TIMP3: variants seen among roughly 807,000 people sequenced by gnomAD.
The protein encoded by TIMP3 is metalloproteinase inhibitor 3.
Under a neutral mutation model 30.0 loss-of-function variants are expected in TIMP3, and 11 were observed. The observed-to-expected ratio is 0.37, with a 90% CI of 0.23 to 0.61. The LOEUF is 0.61. TIMP3 is among the 20% of genes least tolerant of loss of function. The probability of loss-of-function intolerance (pLI) is 0.70; values close to 1 mark genes in which losing one functional copy is unlikely to be tolerated. For synonymous variants in TIMP3, 112 were observed against 111.3 expected (o/e 1.01, Z -0.04); for missense variants, 181 against 276.8 (o/e 0.65, Z 2.45).
intron 1 of TIMP3, 152 bp from the exon 2 acceptor site, chr22:32,849,300 C>T: frequency 1.5e-6 from 1 of 679,710 alleles, no homozygotes; most frequent in Non-Finnish European, 2.6e-6. Flanking sequence ...AGGGAATTCC[C>T]ACTCTTGTAA....
Position 32,861,317 on chromosome 22 carries a change from C to A in TIMP3, c.*1940C>A, listed in dbSNP as rs925148097. ...TTGGGATCAATTTCATTACCGTGTA[C>A]CTTTCCCATTGTGGTCATGCCATTT... On this transcript the variant is annotated 3_prime_UTR_variant, in exon 5 of 5. Coordinates refer to ENST00000266085, the MANE Select transcript of TIMP3 (RefSeq NM_000362.5). The A allele has an allele frequency of 1.3e-5, 2 of 152,254 alleles. No individual in the cohort carries two copies. Among genetic ancestry groups the A allele is most frequent in the Admixed American group, 1.3e-4 (2 of 15,278 alleles). The allele number at this position is 152,254 out of a possible 1,614,324, so 9.4% of individuals were successfully genotyped here. A position where few individuals can be genotyped will look rare whatever the true frequency, so the allele number is the denominator to read the frequency against.
intron 1 of TIMP3, among the ~76,000 whole-genome samples, chr22:32,803,841 C>T (rs1215260483): frequency 1.3e-5 from 2 of 152,160 alleles, no homozygotes; most frequent in African/African-American, 2.4e-5. Flanking sequence ...ACTTCACTTG[C>T]GTTTTTTTGG....
chr22:32,826,855 A>G (rs1467236265), intron 1 of TIMP3, among the ~76,000 whole-genome samples: 1 of 152,128 alleles, frequency 6.6e-6, no homozygotes, highest in African/African-American at 2.4e-5. Flanking sequence ...CTGCTCTCCC[A>G]CTTGATCCCT....
Position 32,861,803 on chromosome 22 carries a change from A to G in TIMP3, c.*2426A>G, listed in dbSNP as rs150204117. 210 of 152,752 alleles carry G rather than the reference A, an allele frequency of 1.4e-3. No individual in the cohort carries two copies. Among genetic ancestry groups the G allele is most frequent in the African/African-American group, 4.7e-3 (195 of 41,582 alleles). The allele number at this position is 152,752 out of a possible 1,614,324, so 9.5% of individuals were successfully genotyped here. A position where few individuals can be genotyped will look rare whatever the true frequency, so the allele number is the denominator to read the frequency against. On this transcript the variant is annotated 3_prime_UTR_variant, in exon 5 of 5. Coordinates refer to ENST00000266085, the MANE Select transcript of TIMP3 (RefSeq NM_000362.5). ...TTTATTTCACCCGTTCACTTACTGT[A>G]TAATTTAAAATCATTTATGTAGCTG... is the stretch of plus-strand genomic sequence containing the variant.
chr22:32,832,835 C>T (rs1241400644), intron 1 of TIMP3, among the ~76,000 whole-genome samples: 2 of 151,974 alleles, frequency 1.3e-5, no homozygotes, highest in Non-Finnish European at 2.9e-5. Context: ...TCAAGTGATC[C>T]GTTTCCCTCA....
In TIMP3 at chr22:32,862,962, G is replaced by A. The variant is rs2048586909; in HGVS notation, c.*3585G>A. 2.6e-5 allele frequency: 4 copies of A among 152,652 alleles called. No individual in the cohort carries two copies. Among genetic ancestry groups the A allele is most frequent in the Non-Finnish European group, 2.9e-5 (2 of 68,040 alleles). The allele number at this position is 152,652 out of a possible 1,614,324, so 9.5% of individuals were successfully genotyped here. A position where few individuals can be genotyped will look rare whatever the true frequency, so the allele number is the denominator to read the frequency against. On this transcript the variant is annotated 3_prime_UTR_variant, in exon 5 of 5. Coordinates refer to ENST00000266085, the MANE Select transcript of TIMP3 (RefSeq NM_000362.5). ...ATTTTATATTCCGTGAATGTATATT[G>A]TCTTGTAATGTTGCATAATGTTCAC... is the stretch of plus-strand genomic sequence containing the variant.
At chr22:32,838,467 T>A (rs2047800091) in intron 1 of TIMP3, among the ~76,000 whole-genome samples, 1 of 152,096 alleles carries the variant, frequency 6.6e-6, no homozygotes, top group Admixed American at 6.5e-5. Flanking sequence ...CTGGGGCTAA[T>A]TTTGGTGTCA....
intron 1 of TIMP3, among the ~76,000 whole-genome samples, chr22:32,818,658 G>A (rs557674929): frequency 1.3e-5 from 2 of 152,164 alleles, no homozygotes; most frequent in African/African-American, 2.4e-5. Context: ...TCTCCCCTCC[G>A]GCGCTGGGCC....
intron 1 of TIMP3, among the ~76,000 whole-genome samples, chr22:32,835,914 G>A (rs367883160): frequency 2.6e-5 from 4 of 152,310 alleles, no homozygotes; most frequent in South Asian, 4.1e-4. Context: ...CCACCTCAAA[G>A]TTCTCACCAT....
In TIMP3 at chr22:32,825,657, C is replaced by CAAAA. The variant is rs130292; in HGVS notation, c.121+23572_121+23575dup. On this transcript the variant is annotated intron_variant, in intron 1 of 4. Transcript: ENST00000266085. ...TGGGCGACAGAGCGAGTTTCCATCTCAAAAAAAAAAAAAAAAAAAAAAAAA... is the reference window on the plus strand; with the variant it reads ...TGGGCGACAGAGCGAGTTTCCATCTCAAAAAAAAAAAAAAAAAAAAAAAAAAAAA... Among the ~76,000 whole-genome samples, 8 of 28,594 alleles carry CAAAA rather than the reference C, an allele frequency of 2.8e-4. 2 individuals carry two copies. The highest frequency in any genetic ancestry group is 1.4e-3 in the Admixed American group (2 of 1,430). The allele number at this position is 28,594 out of a possible 152,430, so 18.8% of individuals were successfully genotyped here.
chr22:32,849,680 C>A, intron 2 of TIMP3, 146 bp downstream of exon 2: 1 of 764,042 alleles, frequency 1.3e-6, no homozygotes, highest in Non-Finnish European at 2.3e-6. Context: ...GGAGAGGGAG[C>A]TGCTAAGGCT....
At chr22:32,848,910 C>A (rs2048142823) in intron 1 of TIMP3, among the ~76,000 whole-genome samples, 2 of 152,134 alleles carry the variant, frequency 1.3e-5, no homozygotes, top group Admixed American at 1.3e-4. Context: ...GCACTGGATA[C>A]CAAGGGCTCA....
rs543897159 is a variant in TIMP3, at chr22:32,821,823, G to A, written c.121+19701G>A. 7.2e-5 allele frequency among the ~76,000 whole-genome samples: 11 copies of A among 152,268 alleles called. No individual in the cohort carries two copies. In the East Asian group the frequency reaches 1.4e-3, roughly 19 times the overall value. On this transcript the variant is annotated intron_variant, in intron 1 of 4. Transcript: ENST00000266085. ...ACAAAGAGGGCCTCATGGTTCCCCC[G>A]TCACTCACTGCCTTCCACTCCCTGC...
rs923531954 is a variant in TIMP3, at chr22:32,845,402, G to C, written c.122-4050G>C. 1.4e-3 allele frequency among the ~76,000 whole-genome samples: 207 copies of C among 152,128 alleles called. 1 individual carries two copies. Among genetic ancestry groups the C allele is most frequent in the African/African-American group, 4.7e-3 (194 of 41,498 alleles). On this transcript the variant is annotated intron_variant, in intron 1 of 4. Coordinates refer to ENST00000266085, the MANE Select transcript of TIMP3 (RefSeq NM_000362.5). ...AGATGGGGTTTCACCATGCTGGCCA[G>C]GATGGTCTCAATCTCTTGACCTCGT...
chr22:32,821,953 C>T (rs902147641), intron 1 of TIMP3, among the ~76,000 whole-genome samples: 4 of 152,000 alleles, frequency 2.6e-5, no homozygotes, highest in African/African-American at 9.7e-5. Flanking sequence ...GTCGGGAGTT[C>T]GAGACCAGCC....
intron 1 of TIMP3, among the ~76,000 whole-genome samples, chr22:32,835,383 G>A (rs2146158701): frequency 6.6e-6 from 1 of 152,314 alleles, no homozygotes; most frequent in African/African-American, 2.4e-5. Context: ...GATGAGACAT[G>A]ATTCAAATGA....
At chr22:32,830,776 T>C (rs1435057001) in intron 1 of TIMP3, among the ~76,000 whole-genome samples, 1 of 152,032 alleles carries the variant, frequency 6.6e-6, no homozygotes, top group Non-Finnish European at 1.5e-5. Context: ...CGTGAGTGTA[T>C]CCGCCTCACG....
intron 1 of TIMP3, among the ~76,000 whole-genome samples, chr22:32,829,254 C>G (rs1310561685): frequency 6.6e-6 from 1 of 152,240 alleles, no homozygotes. Flanking sequence ...CTAAACCCTC[C>G]TTTCGTGATC....
Position 32,845,670 on chromosome 22 carries a change from A to G in TIMP3, c.122-3782A>G, listed in dbSNP as rs559490464. 1.4e-4 allele frequency among the ~76,000 whole-genome samples: 22 copies of G among 152,236 alleles called. No homozygotes were observed. The South Asian group carries it at 4.4e-3, about 30-fold the overall frequency. ...GCACTGGGTAGACAGTGTAGGGGCC[A>G]TACTCCAGCATGAATGGGAATAAAG... On this transcript the variant is annotated intron_variant, in intron 1 of 4. Coordinates refer to ENST00000266085, the MANE Select transcript of TIMP3 (RefSeq NM_000362.5).
Sources: allele counts gnomAD v4.1 joint callset (sites outside exome capture counted in the v4.1 genomes callset), GRCh38; gene constraint gnomAD v4.1.1; transcripts MANE v1.5; gene names NCBI Gene and HGNC (gene_info 2026-07-23, HGNC 2026-07-21).